LAIR1: variants seen among roughly 807,000 people sequenced by gnomAD.
LAIR1 encodes the protein leukocyte-associated immunoglobulin-like receptor 1.
A neutral mutation model predicts 32.8 loss-of-function variants in LAIR1; 24 were observed. The ratio of observed to expected loss-of-function variants is 0.73; its 90% confidence interval spans 0.53 to 1.03. The LOEUF (loss-of-function observed/expected upper bound fraction) is 1.03, where lower values mean the gene tolerates loss of function less well. Ranked by LOEUF, LAIR1 falls within the 50% of genes least tolerant of loss-of-function variation. The pLI is 0.00. For missense variants in LAIR1, 355 were observed against 347.5 expected (o/e 1.02, Z -0.17); for synonymous variants, 150 against 140.5 (o/e 1.07, Z -0.48).
upstream of LAIR1, chr19:54,365,102 G>C (rs1218805129): frequency 1.6e-6 from 2 of 1,254,906 alleles, no homozygotes; most frequent in African/African-American, 3.1e-5. Context: ...AAATCTATGG[G>C]ACAAGGCAGA....
intron 3 of LAIR1, 75 bp downstream of exon 3, chr19:54,360,841 G>A (rs2081981372): frequency 2.1e-6 from 3 of 1,463,056 alleles, no homozygotes; most frequent in Non-Finnish European, 2.8e-6. Context: ...CAGCAGCTGG[G>A]ACAGGGTCCA....
At chr19:54,359,304 G>C (rs1165861769) in intron 4 of LAIR1, among the ~76,000 whole-genome samples, 1 of 151,858 alleles carries the variant, frequency 6.6e-6, no homozygotes, top group African/African-American at 2.4e-5. Flanking sequence ...ACAGATCACA[G>C]GGGGAGATGG....
upstream of LAIR1, among the ~76,000 whole-genome samples, chr19:54,373,052 A>C (rs1345123900): frequency 6.7e-6 from 1 of 150,096 alleles, no homozygotes; most frequent in African/African-American, 2.5e-5. Context: ...GAATTGCTTG[A>C]ACCCAGGAGG....
upstream of LAIR1, among the ~76,000 whole-genome samples, chr19:54,366,631 G>A (rs1241487523): frequency 3.9e-5 from 6 of 152,082 alleles, no homozygotes; most frequent in Non-Finnish European, 8.8e-5. Context: ...TGGGACTACA[G>A]GCACCCACCA....
In LAIR1 at chr19:54,356,595, T is replaced by C. The variant is rs879208688; in HGVS notation, c.479A>G (p.Lys160Arg). 6.2e-7 allele frequency: 1 copy of C among 1,613,564 alleles called. No homozygotes were observed. The highest frequency in any genetic ancestry group is 1.3e-5 in the African/African-American group (1 of 74,826). ...NEHAPASQGL[K>R]AEHLYILIGV... ...GATGAGAATATACAGATGCTCAGCT[T>C]TCAGGCCTTGGGAAGCAGGTGCATC... Residue 160 changes from lysine (K) to arginine (R), a missense_variant, in exon 6 of 10, where the codon AAA becomes AGA. Transcript: ENST00000391742.
upstream of LAIR1, among the ~76,000 whole-genome samples, chr19:54,372,572 C>A (rs1199748803): frequency 6.8e-6 from 1 of 147,512 alleles, no homozygotes; most frequent in Non-Finnish European, 1.5e-5. Flanking sequence ...CTCACTGCAA[C>A]CTCCGCCTCC....
intron 2 of LAIR1, among the ~76,000 whole-genome samples, chr19:54,361,866 T>C: frequency 6.6e-6 from 1 of 152,218 alleles, no homozygotes; most frequent in Non-Finnish European, 1.5e-5. Context: ...CATTTCCTTC[T>C]TATTAAGGCT....
chr19:54,355,675 C>T lies in LAIR1; in HGVS notation c.718-261G>A, dbSNP rs1008605156. ...CTCCCTGCCACCCATCCTTGGATCCCTCCCTCTGGGGGAAGCCGGCTGTGT... is the reference window on the plus strand; with the variant it reads ...CTCCCTGCCACCCATCCTTGGATCCTTCCCTCTGGGGGAAGCCGGCTGTGT... On this transcript the variant is annotated intron_variant, in intron 9 of 9. Coordinates refer to ENST00000391742, the MANE Select transcript of LAIR1 (RefSeq NM_002287.6). The surrounding 1 kb of genome is among the most constrained non-coding windows in gnomAD (Gnocchi z 4.7). 1.3e-5 allele frequency among the ~76,000 whole-genome samples: 2 copies of T among 152,210 alleles called. No homozygotes were observed. Among genetic ancestry groups the T allele is most frequent in the African/African-American group, 2.4e-5 (1 of 41,458 alleles).
chr19:54,375,582 G>C, the LAIR1 span, among the ~76,000 whole-genome samples: 1 of 152,178 alleles, frequency 6.6e-6, no homozygotes, highest in African/African-American at 2.4e-5. Context: ...ACGGCTGTGG[G>C]GTGTGGAGGG....
intron 3 of LAIR1, among the ~76,000 whole-genome samples, chr19:54,360,386 G>T (rs1474614679): frequency 6.4e-5 from 9 of 139,896 alleles, no homozygotes; most frequent in Non-Finnish European, 1.3e-4. Flanking sequence ...GGACATCTCG[G>T]GCTGAGCACA....
rs186375136 is a variant in LAIR1, at chr19:54,356,350, C to T, written c.626+6G>A. 6.3e-6 allele frequency: 10 copies of T among 1,595,986 alleles called. No individual in the cohort carries two copies. In the African/African-American group the frequency reaches 9.4e-5, roughly 15 times the overall value. ...GAGGTCCAGGAGTCATTCCCAGGGG[C>T]CTCACCTCTGCTGTGGCTTCTGCTC... On this transcript the variant is annotated splice_donor_region_variant and intron_variant, in intron 7 of 9. Coordinates refer to ENST00000391742, the MANE Select transcript of LAIR1 (RefSeq NM_002287.6).
At chr19:54,360,778 AAG>A in intron 3 of LAIR1, 136 bp downstream of exon 3, 1 of 654,418 alleles carries the variant, frequency 1.5e-6, no homozygotes, top group Non-Finnish European at 2.6e-6. Context: ...GCAGAGGAAG[AAG>A]GGGAGGGGAG....
intron 3 of LAIR1, 29 bp downstream of exon 3, chr19:54,360,887 C>G (rs376316420): frequency 3.1e-6 from 5 of 1,596,040 alleles, no homozygotes; most frequent in Non-Finnish European, 4.3e-6. Context: ...CGAGCTGAGA[C>G]TGGGGCAGGG....
the LAIR1 span, among the ~76,000 whole-genome samples, chr19:54,375,967 G>A: frequency 1.3e-4 from 20 of 151,812 alleles, no homozygotes; most frequent in South Asian, 3.9e-3. Context: ...GGGGGCCCCC[G>A]GTTGGCAGTT....
upstream of LAIR1, among the ~76,000 whole-genome samples, chr19:54,366,558 G>C (rs1025534419): frequency 2.0e-5 from 3 of 151,832 alleles, no homozygotes; most frequent in Non-Finnish European, 4.4e-5. Flanking sequence ...GTGCGATCTC[G>C]GCTCCCTGCA....
In LAIR1 at chr19:54,364,770, C is replaced by T. The variant is rs200274688; in HGVS notation, c.34+1G>A. 2 of 1,613,682 alleles carry T rather than the reference C, an allele frequency of 1.2e-6. No homozygotes were observed. The highest frequency in any genetic ancestry group is 8.5e-7 in the Non-Finnish European group (1 of 1,179,630). On this transcript the variant is annotated splice_donor_variant, in intron 1 of 9. Coordinates refer to ENST00000391742, the MANE Select transcript of LAIR1 (RefSeq NM_002287.6). LOFTEE classifies it high-confidence loss of function. The surrounding 1 kb of genome is among the most constrained non-coding windows in gnomAD (Gnocchi z 4.8). ...GCCTCCCGGCTGCCTCCAGGACTCA[C>T]CTAGGCCCAGGAGGGCGGTGGGGTG... is the stretch of plus-strand genomic sequence containing the variant.
At chr19:54,369,767 A>G (rs1438145531), upstream of LAIR1, among the ~76,000 whole-genome samples, 2 of 151,644 alleles carry the variant, frequency 1.3e-5, no homozygotes, top group Non-Finnish European at 2.9e-5. Flanking sequence ...GACAACATCT[A>G]CAGAAATAAA....
chr19:54,364,796 G>C lies in LAIR1; in HGVS notation c.9C>G (p.Pro3=). 2 of 1,614,066 alleles carry C rather than the reference G, an allele frequency of 1.2e-6. No homozygotes were observed. The highest frequency in any genetic ancestry group is 1.7e-6 in the Non-Finnish European group (2 of 1,179,946). The change falls in exon 1 of 10, where the codon CCC becomes CCG. Residue 3 remains proline, a synonymous_variant. Coordinates refer to ENST00000391742, the MANE Select transcript of LAIR1 (RefSeq NM_002287.6). The surrounding 1 kb of genome is among the most constrained non-coding windows in gnomAD (Gnocchi z 4.8). MS[P]HPTALLGLVL... ...CTAGGCCCAGGAGGGCGGTGGGGTGGGGAGACATGGCCCAGGTCCCAGCAG... is the reference window on the plus strand; with the variant it reads ...CTAGGCCCAGGAGGGCGGTGGGGTGCGGAGACATGGCCCAGGTCCCAGCAG...
upstream of LAIR1, among the ~76,000 whole-genome samples, chr19:54,369,315 A>G (rs1809686202): frequency 6.6e-6 from 1 of 151,294 alleles, no homozygotes; most frequent in African/African-American, 2.5e-5. Context: ...ACCCTGATTA[A>G]TATTCCCCTA....
Sources: allele counts gnomAD v4.1 joint callset (sites outside exome capture counted in the v4.1 genomes callset), GRCh38; gene constraint gnomAD v4.1.1; non-coding constraint Gnocchi (gnomAD v3.1); transcripts MANE v1.5; gene names NCBI Gene and HGNC (gene_info 2026-07-23, HGNC 2026-07-21).